HEATR5A: variants seen among roughly 807,000 people sequenced by gnomAD.
HEATR5A encodes the protein HEAT repeat-containing protein 5A.
HEATR5A carries 178 observed loss-of-function variants against 218.8 expected under a neutral mutation model. That is an observed-to-expected ratio of 0.81 (90% CI 0.72 to 0.92). The LOEUF (loss-of-function observed/expected upper bound fraction) is 0.92, where lower values mean the gene tolerates loss of function less well. Ranked by LOEUF, HEATR5A falls within the 40% of genes least tolerant of loss-of-function variation. HEATR5A has a pLI of 0.00. For synonymous variants in HEATR5A, 864 were observed against 871.6 expected (o/e 0.99, Z 0.15); for missense variants, 2,420 against 2,418.9 (o/e 1.00, Z -0.01).
chr14:31,394,778 T>G (rs896572428), intron 5 of HEATR5A, among the ~76,000 whole-genome samples: 1 of 151,976 alleles, frequency 6.6e-6, no homozygotes, highest in Non-Finnish European at 1.5e-5. Context: ...AGATCGCGCC[T>G]CTACACTCCA....
At chr14:31,395,650 A>G (rs1369175789) in intron 4 of HEATR5A, among the ~76,000 whole-genome samples, 1 of 152,252 alleles carries the variant, frequency 6.6e-6, no homozygotes, top group Non-Finnish European at 1.5e-5. Flanking sequence ...AATAGTTGCT[A>G]TAGTCTAAGC....
chr14:31,326,384 AAAAC>A, intron 22 of HEATR5A, 42 bp from the exon 23 acceptor site: 1 of 1,416,362 alleles, frequency 7.1e-7, no homozygotes, highest in Non-Finnish European at 9.8e-7. Flanking sequence ...TACAGAAAAC[AAAAC>A]TACCATATCA....
At chr14:31,411,891 T>C (rs2031286295) in intron 1 of HEATR5A, among the ~76,000 whole-genome samples, 1 of 152,172 alleles carries the variant, frequency 6.6e-6, no homozygotes, top group Admixed American at 6.5e-5. Flanking sequence ...AGTCTCGTTC[T>C]CTTGCCCAGG....
intron 6 of HEATR5A, among the ~76,000 whole-genome samples, chr14:31,390,149 G>T (rs1032856706): frequency 2.6e-5 from 4 of 152,152 alleles, no homozygotes; most frequent in African/African-American, 7.2e-5. Context: ...AGGATGCCAG[G>T]TGAGTTTACA....
chr14:31,338,383 T>C (rs1900734607), intron 21 of HEATR5A, among the ~76,000 whole-genome samples: 1 of 152,108 alleles, frequency 6.6e-6, no homozygotes, highest in South Asian at 2.1e-4. Context: ...AGACAAGCAT[T>C]ACAGAACACC....
intron 33 of HEATR5A, among the ~76,000 whole-genome samples, chr14:31,300,205 T>C (rs1899324633): frequency 6.6e-6 from 1 of 152,138 alleles, no homozygotes; most frequent in South Asian, 2.1e-4. Flanking sequence ...CCACACCCCC[T>C]CATTGTTCTA....
At chr14:31,402,569 G>A (rs1480524665) in intron 2 of HEATR5A, among the ~76,000 whole-genome samples, 9 of 152,138 alleles carry the variant, frequency 5.9e-5, no homozygotes, top group Admixed American at 3.9e-4. Context: ...TAACAAAAAC[G>A]AAGTATAATA....
intron 21 of HEATR5A, among the ~76,000 whole-genome samples, chr14:31,339,558 T>C (rs1435192697): frequency 1.3e-5 from 2 of 151,508 alleles, no homozygotes; most frequent in African/African-American, 4.9e-5. Context: ...TTTGTGCATA[T>C]ATCATCACTG....
At chr14:31,340,626 A>AT (rs1232406367) in intron 21 of HEATR5A, 1 of 403,236 alleles carries the variant, frequency 2.5e-6, no homozygotes, top group African/African-American at 2.1e-5. Flanking sequence ...TTTGCCACAA[A>AT]TATTTTATTT....
intron 1 of HEATR5A, among the ~76,000 whole-genome samples, chr14:31,413,421 T>A (rs1396799340): frequency 6.6e-6 from 1 of 151,828 alleles, no homozygotes; most frequent in African/African-American, 2.4e-5. Flanking sequence ...CTGCATGTTA[T>A]TGTAAGGAAT....
rs371016342 is a variant in HEATR5A at position 31,326,146 on chromosome 14, T to C, written c.3547+17A>G. On this transcript the variant is annotated intron_variant, in intron 23 of 35. Coordinates refer to ENST00000543095, the MANE Select transcript of HEATR5A (RefSeq NM_015473.4). ...ATTTCAATTTTATTATTTTAACTGA[T>C]AATGTCCAATACTTACCAGCTGATG... 6.3e-7 allele frequency: 1 copy of C among 1,595,542 alleles called. No individual in the cohort carries two copies. The highest frequency in any genetic ancestry group is 1.3e-5 in the African/African-American group (1 of 74,750).
intron 28 of HEATR5A, 112 bp downstream of exon 28, chr14:31,312,856 C>A (rs902561473): frequency 2.2e-6 from 2 of 889,382 alleles, no homozygotes; most frequent in South Asian, 1.7e-5. Flanking sequence ...CAAAATTGCA[C>A]CATGGCACTC....
intron 6 of HEATR5A, among the ~76,000 whole-genome samples, chr14:31,390,244 A>G (rs941634686): frequency 6.6e-6 from 1 of 152,086 alleles, no homozygotes; most frequent in Non-Finnish European, 1.5e-5. Flanking sequence ...AAGATATAGG[A>G]CCTTGTAGGT....
chr14:31,361,169 C>T (rs1400684615), intron 14 of HEATR5A, among the ~76,000 whole-genome samples: 1 of 152,234 alleles, frequency 6.6e-6, no homozygotes, highest in South Asian at 2.1e-4. Flanking sequence ...CTTTTAACCA[C>T]CGTGCTGAAT....
chr14:31,324,766 G>A (rs1470555363), intron 23 of HEATR5A, among the ~76,000 whole-genome samples: 1 of 150,742 alleles, frequency 6.6e-6, no homozygotes, highest in South Asian at 2.1e-4. Context: ...GGGCTCAGGC[G>A]ACATTTTCTT....
intron 1 of HEATR5A, among the ~76,000 whole-genome samples, chr14:31,417,557 C>T (rs975065212): frequency 4.0e-5 from 6 of 151,848 alleles, no homozygotes; most frequent in South Asian, 2.1e-4. Context: ...GCACTCTAGC[C>T]TGGGTGACAG....
At chr14:31,331,091 C>A (rs192651609) in intron 22 of HEATR5A, among the ~76,000 whole-genome samples, 1 of 151,726 alleles carries the variant, frequency 6.6e-6, no homozygotes, top group East Asian at 2.0e-4. Context: ...ACAGGTGCCA[C>A]CACCACGCAT....
intron 11 of HEATR5A, among the ~76,000 whole-genome samples, chr14:31,377,023 G>A (rs1205527982): frequency 1.3e-5 from 2 of 151,798 alleles, no homozygotes; most frequent in African/African-American, 4.8e-5. Context: ...TACTCATGAG[G>A]CCGAGGCAGG....
chr14:31,352,183 C>G (rs913588031), intron 16 of HEATR5A, among the ~76,000 whole-genome samples: 9 of 152,130 alleles, frequency 5.9e-5, no homozygotes, highest in African/African-American at 2.2e-4. Context: ...ACTTCATTTT[C>G]CCTCTTTTCT....
Sources: allele counts gnomAD v4.1 joint callset (sites outside exome capture counted in the v4.1 genomes callset), GRCh38; gene constraint gnomAD v4.1.1; transcripts MANE v1.5; gene names NCBI Gene and HGNC (gene_info 2026-07-23, HGNC 2026-07-21).